XKR9: variants seen among roughly 807,000 people sequenced by gnomAD.
The protein encoded by XKR9 is XK related 9.
A neutral mutation model predicts 32.0 loss-of-function variants in XKR9; 32 were observed. The ratio of observed to expected loss-of-function variants is 1.00; its 90% CI spans 0.76 to 1.34. XKR9 has a LOEUF of 1.34. Ranked by LOEUF, XKR9 falls within the 40% of genes most tolerant of loss-of-function variation. The pLI, the probability that XKR9 is intolerant of heterozygous loss-of-function variation, is 0.00. For missense variants in XKR9, 546 were observed against 429.7 expected (o/e 1.27, Z -2.39); for synonymous variants, 168 against 143.4 (o/e 1.17, Z -1.22).
At chr8:70,815,747 G>A in the XKR9 span, among the ~76,000 whole-genome samples, 83 of 152,012 alleles carry the variant, frequency 5.5e-4, no homozygotes, top group African/African-American at 1.8e-3. Context: ...GGATGGTCTC[G>A]ATCTCCTGAC....
the XKR9 span, among the ~76,000 whole-genome samples, chr8:71,028,044 G>A: frequency 6.6e-6 from 1 of 152,178 alleles, no homozygotes; most frequent in African/African-American, 2.4e-5. Context: ...AAAGTACTGG[G>A]ATTATAGCTG....
the XKR9 span, among the ~76,000 whole-genome samples, chr8:70,967,937 A>G: frequency 6.6e-6 from 1 of 151,954 alleles, no homozygotes; most frequent in Non-Finnish European, 1.5e-5. Flanking sequence ...CTCGTGGAGT[A>G]TATTACTGGA....
downstream of XKR9, among the ~76,000 whole-genome samples, chr8:70,792,226 T>C (rs1807773288): frequency 6.6e-6 from 1 of 152,088 alleles, no homozygotes; most frequent in Admixed American, 6.6e-5. Context: ...TTCTGGGCAT[T>C]ATGGGGAAAC....
At chr8:70,686,361 G>A (rs888574944) in intron 3 of XKR9, among the ~76,000 whole-genome samples, 2 of 149,956 alleles carry the variant, frequency 1.3e-5, no homozygotes, top group Admixed American at 6.7e-5. Context: ...TCCCACTTCA[G>A]CCCCACAAGT....
the XKR9 span, among the ~76,000 whole-genome samples, chr8:70,972,946 C>T: frequency 0.32 from 48,390 of 151,834 alleles, 9,033 homozygotes; most frequent in Non-Finnish European, 0.43. Context: ...TATGTCCTTC[C>T]CTAGTTTTGG....
downstream of XKR9, among the ~76,000 whole-genome samples, chr8:70,737,121 G>C (rs1404929671): frequency 3.3e-5 from 5 of 149,398 alleles, no homozygotes; most frequent in Admixed American, 6.7e-5. Context: ...TCTTCCATTT[G>C]TTTGTATCCT....
intron 3 of XKR9, among the ~76,000 whole-genome samples, chr8:70,701,264 A>C (rs1251739450): frequency 6.6e-6 from 1 of 151,970 alleles, no homozygotes; most frequent in Non-Finnish European, 1.5e-5. Context: ...TGCAGAAATC[A>C]CCCATCTTCT....
chr8:70,827,946 A>G, the XKR9 span, among the ~76,000 whole-genome samples: 4 of 152,208 alleles, frequency 2.6e-5, no homozygotes, highest in Non-Finnish European at 4.4e-5. Flanking sequence ...TCATGTTAAT[A>G]TATTTTTAAT....
chr8:70,782,022 T>A (rs890273392), intron 2 of XKR9, among the ~76,000 whole-genome samples: 3 of 152,190 alleles, frequency 2.0e-5, no homozygotes, highest in Admixed American at 2.0e-4. Flanking sequence ...AATTATAAGC[T>A]CCAGACCTCT....
the XKR9 span, among the ~76,000 whole-genome samples, chr8:70,976,748 G>T: frequency 1.3e-5 from 2 of 152,184 alleles, no homozygotes; most frequent in Non-Finnish European, 2.9e-5. Flanking sequence ...GAGTTAGGGA[G>T]GATTCCCTCT....
the XKR9 span, among the ~76,000 whole-genome samples, chr8:70,885,126 T>C: frequency 9.2e-5 from 14 of 152,164 alleles, no homozygotes; most frequent in Admixed American, 6.5e-5. Context: ...TTTCATTTTC[T>C]GGGGTGCTAA....
the XKR9 span, among the ~76,000 whole-genome samples, chr8:70,987,185 G>A: frequency 6.6e-6 from 1 of 152,104 alleles, no homozygotes; most frequent in South Asian, 2.1e-4. Context: ...CCTGGACCCT[G>A]CCAAATCTCA....
the XKR9 span, among the ~76,000 whole-genome samples, chr8:70,967,749 G>T: frequency 2.0e-5 from 3 of 151,790 alleles, no homozygotes; most frequent in Non-Finnish European, 4.4e-5. Flanking sequence ...TTTTAAGAAT[G>T]TTGAATATTG....
At chr8:70,862,008 G>A in the XKR9 span, among the ~76,000 whole-genome samples, 2 of 152,216 alleles carry the variant, frequency 1.3e-5, no homozygotes, top group South Asian at 2.1e-4. Context: ...GTGTGGAAGG[G>A]AACTTTTTCC....
At chr8:70,987,460 A>G in the XKR9 span, among the ~76,000 whole-genome samples, 1 of 152,268 alleles carries the variant, frequency 6.6e-6, no homozygotes, top group Non-Finnish European at 1.5e-5. Flanking sequence ...TCCAAAATCC[A>G]GCAGGGCAGT....
chr8:70,881,050 G>A, the XKR9 span, among the ~76,000 whole-genome samples: 1 of 152,118 alleles, frequency 6.6e-6, no homozygotes, highest in Admixed American at 6.6e-5. Flanking sequence ...AATGGTGCTG[G>A]GAAAACTGGC....
chr8:70,747,768 G>A (rs1486734614), intron 2 of XKR9, among the ~76,000 whole-genome samples: 1 of 152,152 alleles, frequency 6.6e-6, no homozygotes, highest in African/African-American at 2.4e-5. Context: ...TAATTGCAAT[G>A]TAGAAATTTT....
At chr8:71,023,806 A>AGTG in the XKR9 span, among the ~76,000 whole-genome samples, 1 of 152,046 alleles carries the variant, frequency 6.6e-6, no homozygotes, top group Non-Finnish European at 1.5e-5. Context: ...GGAAGGCACC[A>AGTG]GTGGTGGTGG....
At chr8:70,716,463 C>A (rs1806093067) in intron 4 of XKR9, among the ~76,000 whole-genome samples, 1 of 152,008 alleles carries the variant, frequency 6.6e-6, no homozygotes, top group Admixed American at 6.6e-5. Context: ...ACTAGCATGG[C>A]AGAAGGGGAA....
Sources: gnomAD v4.1 joint callset for allele counts (sites outside exome capture counted in the v4.1 genomes callset) on GRCh38, gnomAD v4.1.1 for gene constraint, MANE v1.5 for transcripts, NCBI Gene and HGNC (gene_info 2026-07-23, HGNC 2026-07-21) for gene names.